Variants in ILDR2 observed in about 807,000 individuals in gnomAD.
ILDR2 encodes immunoglobulin like domain containing receptor 2, also known as immunoglobulin-like domain-containing receptor 2.
In ILDR2, 25 loss-of-function variants were observed where a neutral mutation model predicts 66.8. That is an observed-to-expected ratio of 0.37 (90% CI 0.27 to 0.52). The LOEUF is 0.52. Among genes scored for constraint, ILDR2 ranks in the 20% least tolerant of loss-of-function variants. The pLI is 0.88. For missense variants in ILDR2, 827 were observed against 876.8 expected, an observed-to-expected ratio of 0.94 and a Z score of 0.72; for synonymous variants, 367 against 357.2, an observed-to-expected ratio of 1.03 and a Z score of -0.31.
rs991059427 is a variant in ILDR2, at chr1:166,910,762, A to G, written c.*8593T>C. 3.2e-4 allele frequency: 48 copies of G among 152,254 alleles called. No individual in the cohort carries two copies. Among genetic ancestry groups the G allele is most frequent in the African/African-American group, 1.1e-3 (46 of 41,470 alleles). 9.4% of individuals were successfully genotyped at this position (152,254 alleles called of 1,614,324 possible). Reference sequence around the variant, plus strand: ...GATGTCTCTGCCAAGATTTTCTAAGAGAACCTGAAATTAGCCTACTTCTTA... The same window carrying G: ...GATGTCTCTGCCAAGATTTTCTAAGGGAACCTGAAATTAGCCTACTTCTTA... On this transcript the variant is annotated 3_prime_UTR_variant, in exon 10 of 10. Coordinates refer to ENST00000271417, the MANE Select transcript of ILDR2 (RefSeq NM_199351.3).
Position 166,915,654 on chromosome 1 carries a change from T to C in ILDR2, c.*3701A>G, listed in dbSNP as rs1441088990. On this transcript the variant is annotated 3_prime_UTR_variant, in exon 10 of 10. Coordinates refer to ENST00000271417, the MANE Select transcript of ILDR2 (RefSeq NM_199351.3). ...TCTTCACCTATTAAAAAAAATTGGG[T>C]GAGGGGCGGTGGTAAATTACAACAG... 1 of 152,096 alleles carries C rather than the reference T, an allele frequency of 6.6e-6. No individual in the cohort carries two copies. Among genetic ancestry groups the C allele is most frequent in the African/African-American group, 2.4e-5 (1 of 41,402 alleles). 9.4% of individuals were successfully genotyped at this position (152,096 alleles called of 1,614,324 possible).
rs1259837030 is a variant in ILDR2, at chr1:166,909,280, G to C, written c.*10075C>G. On this transcript the variant is annotated 3_prime_UTR_variant, in exon 10 of 10. Coordinates refer to ENST00000271417, the MANE Select transcript of ILDR2 (RefSeq NM_199351.3). Reference sequence around the variant, plus strand: ...GCTATATTCCTGCCTTTTGGAGTAAGTCTATCCTCACTGAGAAAATGTATT... The same window carrying C: ...GCTATATTCCTGCCTTTTGGAGTAACTCTATCCTCACTGAGAAAATGTATT... The C allele has an allele frequency of 6.6e-6, 1 of 152,144 alleles. No individual in the cohort carries two copies. Among genetic ancestry groups the C allele is most frequent in the Non-Finnish European group, 1.5e-5 (1 of 68,024 alleles). The allele number at this position is 152,144 out of a possible 1,614,324, so 9.4% of individuals were successfully genotyped here.
rs766542770 is a variant in ILDR2, at chr1:166,922,819, C to A, written c.995-10G>T. 6.2e-6 allele frequency: 10 copies of A among 1,608,694 alleles called. No homozygotes were observed. In the South Asian group the frequency reaches 9.9e-5, roughly 16 times the overall value. On this transcript the variant is annotated splice_polypyrimidine_tract_variant and intron_variant, in intron 7 of 9. Coordinates refer to ENST00000271417, the MANE Select transcript of ILDR2 (RefSeq NM_199351.3). ...GAGATGGTGTTGTTATCTGCAGGGA[C>A]AAAATCAGGCATGATAGAGCTTTTT... is the stretch of plus-strand genomic sequence containing the variant.
At chr1:166,949,763 C>T (rs1661857705) in intron 3 of ILDR2, among the ~76,000 whole-genome samples, 1 of 152,232 alleles carries the variant, frequency 6.6e-6, no homozygotes, top group Non-Finnish European at 1.5e-5. Flanking sequence ...CTTCCCTCTC[C>T]TCCATCCCTT....
downstream of ILDR2, among the ~76,000 whole-genome samples, chr1:166,905,566 C>T (rs947218709): frequency 6.6e-6 from 1 of 152,174 alleles, no homozygotes; most frequent in Non-Finnish European, 1.5e-5. Flanking sequence ...CCCTCTACCT[C>T]GACAGGATGT....
At chr1:166,971,323 G>A (rs992900186) in intron 1 of ILDR2, among the ~76,000 whole-genome samples, 2 of 152,198 alleles carry the variant, frequency 1.3e-5, no homozygotes, top group Non-Finnish European at 2.9e-5. Flanking sequence ...CAGCTATCAC[G>A]TTTTCTGGGA....
chr1:166,943,947 G>C (rs866875156), intron 3 of ILDR2: 5 of 643,912 alleles, frequency 7.8e-6, no homozygotes, highest in East Asian at 1.4e-4. Context: ...TTATGTAAGC[G>C]CTCAAACAGT....
rs114785436 is a variant in ILDR2, at chr1:166,896,403, G to A, written n.172-302C>T. Among the ~76,000 whole-genome samples, 580 of 152,182 alleles carry A rather than the reference G, an allele frequency of 3.8e-3. 3 individuals carry two copies. The highest frequency in any genetic ancestry group is 0.013 in the African/African-American group (550 of 41,508). ...TGAAGGAGTTGGATGCCACAAGCTG[G>A]AAGTTTTCTTTGTACTGTAGGCTTG... On this transcript the variant is annotated intron_variant and non_coding_transcript_variant, in intron 2 of 2. Transcript: ENST00000414590.
chr1:166,928,100 G>T lies in ILDR2; in HGVS notation c.881-920C>A, dbSNP rs533205673. ...GAAAAAACGAAAGAGAGAAGGGAAT[G>T]ATGGGATGGGTACTGAAAAATAATG... On this transcript the variant is annotated intron_variant, in intron 6 of 9. Transcript: ENST00000271417. 7.1e-4 allele frequency among the ~76,000 whole-genome samples: 108 copies of T among 152,326 alleles called. 2 individuals carry two copies. The South Asian group carries it at 7.9e-3, about 11-fold the overall frequency.
intron 1 of ILDR2, among the ~76,000 whole-genome samples, chr1:166,972,563 GA>G (rs1371824109): frequency 1.3e-5 from 2 of 152,138 alleles, no homozygotes; most frequent in Non-Finnish European, 2.9e-5. Flanking sequence ...TGGCAATAAG[GA>G]ATCACAAGGC....
At position 166,911,474 on chromosome 1, in the gene ILDR2, C is replaced by T. The variant is rs2101825657; in HGVS notation, c.*7881G>A. ...ACTGGCACAATGTAATATGGCATTG[C>T]ACCACACATGAGCTTAAAATAAAAA... On this transcript the variant is annotated 3_prime_UTR_variant, in exon 10 of 10. Coordinates refer to ENST00000271417, the MANE Select transcript of ILDR2 (RefSeq NM_199351.3). 1 of 152,102 alleles carries T rather than the reference C, an allele frequency of 6.6e-6. No homozygotes were observed. Among genetic ancestry groups the T allele is most frequent in the South Asian group, 2.1e-4 (1 of 4,820 alleles). 9.4% of individuals were successfully genotyped at this position (152,102 alleles called of 1,614,324 possible). A position where few individuals can be genotyped will look rare whatever the true frequency, so the allele number is the denominator to read the frequency against.
intron 1 of ILDR2, among the ~76,000 whole-genome samples, chr1:166,962,103 C>T (rs1384411753): frequency 1.3e-5 from 2 of 152,104 alleles, no homozygotes; most frequent in South Asian, 2.1e-4. Context: ...AGTAAAAATG[C>T]CAATCCCTGC....
At chr1:166,957,696 T>C in intron 2 of ILDR2, 73 bp downstream of exon 2, 3 of 1,307,226 alleles carry the variant, frequency 2.3e-6, no homozygotes, top group South Asian at 1.4e-5. Flanking sequence ...TATCACCATA[T>C]TGACATAAGG....
At chr1:166,927,225 C>A (rs1557934941) in intron 6 of ILDR2, 45 bp from the exon 7 acceptor site, 1 of 1,296,762 alleles carries the variant, frequency 7.7e-7, no homozygotes, top group Non-Finnish European at 1.1e-6. Flanking sequence ...AGGAAAATAT[C>A]AGGAGAAGGA....
At chr1:166,897,974 C>G (rs1457490792) in intron 2 of ILDR2, among the ~76,000 whole-genome samples, 1 of 152,158 alleles carries the variant, frequency 6.6e-6, no homozygotes, top group Non-Finnish European at 1.5e-5. Flanking sequence ...CAGCTGGCAT[C>G]TGAGGTAAGG....
intron 6 of ILDR2, among the ~76,000 whole-genome samples, chr1:166,928,005 C>T (rs1660404697): frequency 6.6e-6 from 1 of 152,166 alleles, no homozygotes; most frequent in South Asian, 2.1e-4. Context: ...ACTTAAGTAT[C>T]AGTCTAGCCC....
intron 1 of ILDR2, among the ~76,000 whole-genome samples, chr1:166,968,870 C>G (rs915632162): frequency 6.6e-6 from 1 of 152,114 alleles, no homozygotes; most frequent in Admixed American, 6.5e-5. Context: ...CCTAGCCAAT[C>G]CATAGCTACC....
chr1:166,967,880 A>G (rs1247220976), intron 1 of ILDR2, among the ~76,000 whole-genome samples: 2 of 152,128 alleles, frequency 1.3e-5, no homozygotes, highest in East Asian at 3.9e-4. Context: ...CAACCACCAC[A>G]TCCATCTAAG....
chr1:166,944,111 G>A (rs181242678), intron 3 of ILDR2, among the ~76,000 whole-genome samples: 28 of 152,268 alleles, frequency 1.8e-4, no homozygotes, highest in Non-Finnish European at 3.7e-4. Flanking sequence ...ACATTCACAC[G>A]CTTCGGATTA....
Sources: allele counts gnomAD v4.1 joint callset (sites outside exome capture counted in the v4.1 genomes callset), GRCh38; gene constraint gnomAD v4.1.1; transcripts MANE v1.5; gene names NCBI Gene and HGNC (gene_info 2026-07-23, HGNC 2026-07-21).